Variants in KITLG observed in about 807,000 individuals in gnomAD.
KITLG encodes the protein KIT ligand.
KITLG carries 13 observed loss-of-function variants against 34.1 expected under a neutral mutation model. That is an observed-to-expected ratio of 0.38 (90% CI 0.25 to 0.61). KITLG has a LOEUF of 0.61. Among genes scored for constraint, KITLG ranks in the 20% least tolerant of loss-of-function variants. KITLG has a pLI of 0.60. For synonymous variants in KITLG, 110 were observed against 104.0 expected (o/e 1.06, Z -0.35); for missense variants, 292 against 318.9 (o/e 0.92, Z 0.64).
At chr12:88,568,488 C>T (rs1011472051) in intron 1 of KITLG, among the ~76,000 whole-genome samples, 1 of 151,900 alleles carries the variant, frequency 6.6e-6, no homozygotes, top group African/African-American at 2.4e-5. Flanking sequence ...TTGTGTTCTT[C>T]CAACTATGTA....
chr12:88,537,644 A>C (rs1870375809), intron 2 of KITLG, among the ~76,000 whole-genome samples: 1 of 152,158 alleles, frequency 6.6e-6, no homozygotes, highest in Non-Finnish European at 1.5e-5. Flanking sequence ...AAGTATATTA[A>C]AAAGAAAAAA....
intron 1 of KITLG, among the ~76,000 whole-genome samples, chr12:88,561,116 C>T (rs1311321761): frequency 6.6e-5 from 10 of 151,890 alleles, no homozygotes; most frequent in Non-Finnish European, 1.0e-4. Context: ...TGACACAATC[C>T]TTATGGCCGT....
At chr12:88,534,666 C>G (rs746831312) in intron 2 of KITLG, 2 of 512,808 alleles carry the variant, frequency 3.9e-6, no homozygotes, top group East Asian at 1.1e-4. Context: ...CGTGTCCATT[C>G]CATTGCTGCT....
At chr12:88,563,731 T>C (rs1417610297) in intron 1 of KITLG, among the ~76,000 whole-genome samples, 5 of 152,106 alleles carry the variant, frequency 3.3e-5, no homozygotes, top group African/African-American at 1.2e-4. Context: ...GAGACCAAGG[T>C]GGGCGGATCA....
intron 1 of KITLG, among the ~76,000 whole-genome samples, chr12:88,551,887 T>G (rs1324716771): frequency 6.6e-6 from 1 of 152,146 alleles, no homozygotes; most frequent in East Asian, 1.9e-4. Context: ...TCCAATCTAA[T>G]CCCCATGGTC....
At chr12:88,578,471 C>T (rs565092163) in intron 1 of KITLG, among the ~76,000 whole-genome samples, 4 of 152,276 alleles carry the variant, frequency 2.6e-5, no homozygotes, top group African/African-American at 7.2e-5. Context: ...GTCACTAATG[C>T]CACAGTCACA....
chr12:88,580,300 C>G lies in KITLG; in HGVS notation c.-22G>C, dbSNP rs761505103. 1 of 1,611,088 alleles carries G rather than the reference C, an allele frequency of 6.2e-7. No homozygotes were observed. The highest frequency in any genetic ancestry group is 1.7e-5 in the Admixed American group (1 of 59,660). ...TCATAAGGAAAGGCAGCGCTGCGATCCAGCACAAACAGTGGTGTGGCGACT... is the reference window on the plus strand; with the variant it reads ...TCATAAGGAAAGGCAGCGCTGCGATGCAGCACAAACAGTGGTGTGGCGACT... On this transcript the variant is annotated 5_prime_UTR_variant, in exon 1 of 10. Coordinates refer to ENST00000644744, the MANE Select transcript of KITLG (RefSeq NM_000899.5).
chr12:88,518,992 A>G (rs1056986763), intron 3 of KITLG, 125 bp from the exon 4 acceptor site: 1 of 828,122 alleles, frequency 1.2e-6, no homozygotes, highest in Non-Finnish European at 2.0e-6. Context: ...CCTCTCGAGT[A>G]GCTCAGATTA....
chr12:88,579,637 A>G (rs1484172374), intron 1 of KITLG, among the ~76,000 whole-genome samples: 1 of 152,138 alleles, frequency 6.6e-6, no homozygotes, highest in African/African-American at 2.4e-5. Context: ...TTGTGGAGGT[A>G]CTAGAGCTCT....
chr12:88,512,725 A>G (rs950091403), intron 6 of KITLG, among the ~76,000 whole-genome samples: 1 of 151,884 alleles, frequency 6.6e-6, no homozygotes, highest in Admixed American at 6.6e-5. Context: ...AACTGCAGGA[A>G]TACTATAGTG....
chr12:88,497,213 G>A, intron 9 of KITLG, 32 bp from the exon 10 acceptor site: 1 of 417,842 alleles, frequency 2.4e-6, no homozygotes, highest in Non-Finnish European at 4.8e-6. Context: ...AGAGATTATG[G>A]TGTATCTGCC....
chr12:88,547,857 G>A (rs960333354), intron 1 of KITLG, among the ~76,000 whole-genome samples: 7 of 152,180 alleles, frequency 4.6e-5, no homozygotes, highest in African/African-American at 1.7e-4. Flanking sequence ...AGTATTTATT[G>A]AGTATCTGGT....
chr12:88,539,417 C>T (rs1870440589), intron 2 of KITLG, among the ~76,000 whole-genome samples: 1 of 152,116 alleles, frequency 6.6e-6, no homozygotes, highest in African/African-American at 2.4e-5. Context: ...AAGCTCTACA[C>T]TTCTATCATC....
chr12:88,557,288 G>C (rs1871125708), intron 1 of KITLG, among the ~76,000 whole-genome samples: 1 of 152,072 alleles, frequency 6.6e-6, no homozygotes, highest in South Asian at 2.1e-4. Context: ...CAAGAATATA[G>C]GGCCTGAGTG....
intron 1 of KITLG, 95 bp downstream of exon 1, chr12:88,580,169 C>T: frequency 7.5e-7 from 1 of 1,333,746 alleles, no homozygotes; most frequent in East Asian, 2.5e-5. Flanking sequence ...CCCTGCACGC[C>T]CCAGCTGCAA....
chr12:88,506,698 CAA>C (rs1327711740), intron 7 of KITLG, among the ~76,000 whole-genome samples: 1 of 152,042 alleles, frequency 6.6e-6, no homozygotes, highest in Admixed American at 6.6e-5. Flanking sequence ...AAGAAGAGAA[CAA>C]AAGAGTAGAA....
At chr12:88,512,112 A>G (rs375290627) in intron 6 of KITLG, among the ~76,000 whole-genome samples, 4 of 152,312 alleles carry the variant, frequency 2.6e-5, no homozygotes, top group African/African-American at 7.2e-5. Flanking sequence ...TGGAGACAAG[A>G]ACTTTAGAGC....
At position 88,532,466 on chromosome 12, in the gene KITLG, T is replaced by C. The variant is rs1870133439; in HGVS notation, c.167A>G (p.Lys56Arg). 6.2e-7 allele frequency: 1 copy of C among 1,611,326 alleles called. No homozygotes were observed. The highest frequency in any genetic ancestry group is 8.5e-7 in the Non-Finnish European group (1 of 1,178,738). Residue 56 changes from lysine (K) to arginine (R), a missense_variant, in exon 3 of 10, where the codon AAA becomes AGA. Coordinates refer to ENST00000644744, the MANE Select transcript of KITLG (RefSeq NM_000899.5). ...CAAAACATCCATCCCGGGGACATAT[T>C]TGAGGGTTATCATGTAGTCTTTTGG... ...NLPKDYMITL[K>R]YVPGMDVLPS... is the part of the protein sequence containing the mutation.
intron 1 of KITLG, among the ~76,000 whole-genome samples, chr12:88,558,218 C>G (rs1592583553): frequency 3.3e-5 from 5 of 152,046 alleles, no homozygotes; most frequent in African/African-American, 7.2e-5. Flanking sequence ...TACTGAAAAT[C>G]TGACAAGTTT....
Sources: allele counts gnomAD v4.1 joint callset (sites outside exome capture counted in the v4.1 genomes callset), GRCh38; gene constraint gnomAD v4.1.1; transcripts MANE v1.5; gene names NCBI Gene and HGNC (gene_info 2026-07-23, HGNC 2026-07-21).